ANXA10: variants seen among roughly 807,000 people sequenced by gnomAD.
ANXA10 encodes annexin 14.
ANXA10 carries 49 observed loss-of-function variants against 53.5 expected under a neutral mutation model. The ratio of observed to expected loss-of-function variants is 0.92; its 90% CI spans 0.73 to 1.16. ANXA10 has a LOEUF of 1.16. ANXA10 is among the 50% of genes most tolerant of loss of function. The pLI, the probability that ANXA10 is intolerant of heterozygous loss-of-function variation, is 0.00. For synonymous variants in ANXA10, 131 were observed against 128.9 expected (o/e 1.02, Z -0.11); for missense variants, 393 against 394.4 (o/e 1.00, Z 0.03).
At chr4:168,171,750 C>A (rs1214118892) in intron 6 of ANXA10, among the ~76,000 whole-genome samples, 1 of 152,284 alleles carries the variant, frequency 6.6e-6, no homozygotes, top group East Asian at 1.9e-4. Flanking sequence ...ATGCTTCCTG[C>A]ATGCTTTTAT....
At chr4:168,118,776 A>T (rs761175749) in intron 1 of ANXA10, among the ~76,000 whole-genome samples, 1 of 152,196 alleles carries the variant, frequency 6.6e-6, no homozygotes, top group Non-Finnish European at 1.5e-5. Flanking sequence ...AATTCTGCAA[A>T]CATTGCTGAA....
intron 2 of ANXA10, among the ~76,000 whole-genome samples, chr4:168,129,160 CTG>C (rs142862068): frequency 2.0e-5 from 3 of 151,944 alleles, no homozygotes; most frequent in Admixed American, 2.0e-4. Context: ...AGGAGCTTGA[CTG>C]TGTGTGTGTA....
intron 6 of ANXA10, among the ~76,000 whole-genome samples, chr4:168,175,037 C>T (rs1732095261): frequency 1.3e-5 from 2 of 152,074 alleles, no homozygotes; most frequent in South Asian, 2.1e-4. Flanking sequence ...ATAACATTAT[C>T]AAGAGAAGAA....
At chr4:168,156,098 T>A (rs1429212479) in intron 3 of ANXA10, among the ~76,000 whole-genome samples, 5 of 66,636 alleles carry the variant, frequency 7.5e-5, no homozygotes, top group Non-Finnish European at 1.0e-4. Context: ...ATATTTATTA[T>A]ATATAAATAT....
intron 3 of ANXA10, among the ~76,000 whole-genome samples, chr4:168,155,662 A>G (rs1293779725): frequency 1.4e-5 from 1 of 69,400 alleles, no homozygotes; most frequent in Non-Finnish European, 2.5e-5. Flanking sequence ...TATATAGTAT[A>G]TTATATATAA....
intron 1 of ANXA10, among the ~76,000 whole-genome samples, chr4:168,094,045 TC>T (rs1730504434): frequency 6.6e-6 from 1 of 152,194 alleles, no homozygotes; most frequent in Non-Finnish European, 1.5e-5. Flanking sequence ...TATTGTTTTC[TC>T]TCTCTGTTCA....
At chr4:168,140,249 C>A (rs1481652026) in intron 3 of ANXA10, among the ~76,000 whole-genome samples, 1 of 152,206 alleles carries the variant, frequency 6.6e-6, no homozygotes, top group African/African-American at 2.4e-5. Flanking sequence ...CCTGAAACAA[C>A]AATTACTTCA....
chr4:168,154,385 G>T (rs1392057307), intron 3 of ANXA10, among the ~76,000 whole-genome samples: 1 of 152,070 alleles, frequency 6.6e-6, no homozygotes, highest in Non-Finnish European at 1.5e-5. Flanking sequence ...GAATTTTGAA[G>T]AATTTGTGAG....
intron 2 of ANXA10, among the ~76,000 whole-genome samples, chr4:168,135,844 A>G (rs1436265699): frequency 1.3e-5 from 2 of 152,186 alleles, no homozygotes; most frequent in African/African-American, 4.8e-5. Flanking sequence ...GAAAGACACA[A>G]TATTAGTCAA....
In ANXA10 at chr4:168,184,563, T is replaced by C. The variant is rs778365575; in HGVS notation, c.788T>C (p.Phe263Ser). The C allele has an allele frequency of 8.1e-6, 13 of 1,613,798 alleles. No individual in the cohort carries two copies. Among genetic ancestry groups the C allele is most frequent in the Non-Finnish European group, 9.3e-6 (11 of 1,179,894 alleles). Residue 263 changes from phenylalanine (F) to serine (S), a missense_variant, in exon 11 of 12, where the codon TTT (phenylalanine) becomes TCT (serine). Physicochemically the swap from Phe to Ser is radical, Grantham distance 155. Transcript: ENST00000359299. Reference sequence around the variant, plus strand: ...CCACTTTTCTGTATCTTTTAGGACTTTGGTTTCCATAATAAAACTGTAATC... The same window carrying C: ...CCACTTTTCTGTATCTTTTAGGACTCTGGTTTCCATAATAAAACTGTAATC... ...AYRLYSAIHD[F>S]GFHNKTVIRI...
intron 1 of ANXA10, among the ~76,000 whole-genome samples, chr4:168,119,164 T>C (rs1434237001): frequency 6.6e-6 from 1 of 152,196 alleles, no homozygotes; most frequent in East Asian, 1.9e-4. Context: ...CTATTTAGAT[T>C]TGTGATGAGG....
At chr4:168,119,619 G>A (rs544560947) in intron 1 of ANXA10, among the ~76,000 whole-genome samples, 9 of 152,194 alleles carry the variant, frequency 5.9e-5, no homozygotes, top group Non-Finnish European at 1.0e-4. Flanking sequence ...ATATTAATAT[G>A]TATGTCTTTG....
In ANXA10 at chr4:168,187,414, G is replaced by A; in HGVS notation, c.955G>A (p.Gly319Ser). ...YKKALLAICA[G>S]DAEDY Reference sequence around the variant, plus strand: ...GAAAGCACTGCTTGCCATCTGTGCTGGTGATGCTGAGGACTACTAAAATGA... The same window carrying A: ...GAAAGCACTGCTTGCCATCTGTGCTAGTGATGCTGAGGACTACTAAAATGA... Residue 319 changes from glycine (G) to serine (S), a missense_variant, in exon 12 of 12, where the codon GGT (glycine) becomes AGT (serine). Transcript: ENST00000359299. The A allele has an allele frequency of 1.9e-6, 3 of 1,596,290 alleles. No homozygotes were observed. The highest frequency in any genetic ancestry group is 2.6e-6 in the Non-Finnish European group (3 of 1,169,840).
chr4:168,133,251 ATTAG>A (rs1319392969), intron 2 of ANXA10, among the ~76,000 whole-genome samples: 4 of 152,146 alleles, frequency 2.6e-5, no homozygotes, highest in African/African-American at 9.7e-5. Context: ...AAATTCAAGA[ATTAG>A]TTATAGTACT....
chr4:168,178,173 CT>C (rs1316899695), intron 8 of ANXA10, 190 bp downstream of exon 8: 3 of 550,402 alleles, frequency 5.5e-6, no homozygotes, highest in Admixed American at 6.8e-5. Context: ...TAAATATTTC[CT>C]TAATATTTTT....
chr4:168,141,811 G>A (rs1324693987), intron 3 of ANXA10, among the ~76,000 whole-genome samples: 2 of 152,154 alleles, frequency 1.3e-5, no homozygotes, highest in Non-Finnish European at 2.9e-5. Flanking sequence ...TCTGTCTCAA[G>A]TCTCTGCCTT....
chr4:168,165,439 ATAG>A (rs948421068), intron 6 of ANXA10, 113 bp downstream of exon 6: 7 of 480,938 alleles, frequency 1.5e-5, no homozygotes, highest in African/African-American at 1.2e-4. Flanking sequence ...TTACAGTTCA[ATAG>A]TAAATTCTGT....
chr4:168,181,219 G>C (rs965669265), intron 9 of ANXA10, among the ~76,000 whole-genome samples: 2 of 151,690 alleles, frequency 1.3e-5, no homozygotes, highest in African/African-American at 4.8e-5. Context: ...GTGAAACCCC[G>C]TCTCTACTAA....
At chr4:168,124,445 G>A (rs1190429872) in intron 1 of ANXA10, among the ~76,000 whole-genome samples, 2 of 152,130 alleles carry the variant, frequency 1.3e-5, no homozygotes, top group Admixed American at 6.5e-5. Flanking sequence ...CAGGGAGTAA[G>A]GAATCAGGTC....
Sources: gnomAD v4.1 joint callset for allele counts (sites outside exome capture counted in the v4.1 genomes callset) on GRCh38, gnomAD v4.1.1 for gene constraint, MANE v1.5 for transcripts, NCBI Gene and HGNC (gene_info 2026-07-23, HGNC 2026-07-21) for gene names.